Variants in HIVEP3 observed in about 807,000 individuals in gnomAD.
HIVEP3 encodes the protein transcription factor HIVEP3.
A neutral mutation model predicts 152.8 loss-of-function variants in HIVEP3; 49 were observed. The observed-to-expected ratio is 0.32, with a 90% CI of 0.26 to 0.41. The LOEUF is 0.41. Ranked by LOEUF, HIVEP3 falls within the 10% of genes least tolerant of loss-of-function variation. The pLI, the probability that HIVEP3 is intolerant of heterozygous loss-of-function variation, is 1.00. For synonymous variants in HIVEP3, 1,269 were observed against 1,289.0 expected (o/e 0.98, Z 0.33); for missense variants, 2,790 against 3,103.3 (o/e 0.90, Z 2.40).
intron 1 of HIVEP3, among the ~76,000 whole-genome samples, chr1:41,820,460 T>C (rs779115912): frequency 6.6e-6 from 1 of 152,198 alleles, no homozygotes; most frequent in Non-Finnish European, 1.5e-5. Flanking sequence ...ACTTTACTAA[T>C]AGCATCTCTT....
chr1:41,676,896 C>T (rs1200239383), intron 2 of HIVEP3, among the ~76,000 whole-genome samples: 1 of 152,188 alleles, frequency 6.6e-6, no homozygotes, highest in Non-Finnish European at 1.5e-5. Context: ...GGAAAGTCCA[C>T]TTTTCATTCT....
chr1:41,888,722 C>T (rs1464196825), intron 1 of HIVEP3, among the ~76,000 whole-genome samples: 1 of 125,758 alleles, frequency 8.0e-6, no homozygotes, highest in Non-Finnish European at 1.6e-5. Flanking sequence ...CCCCCACACA[C>T]ATACCACACA....
chr1:41,547,508 G>C (rs908035698), intron 5 of HIVEP3, among the ~76,000 whole-genome samples: 1 of 152,096 alleles, frequency 6.6e-6, no homozygotes, highest in Non-Finnish European at 1.5e-5. Context: ...CACAGAGGCA[G>C]GGATGCTTGG....
intron 3 of HIVEP3, among the ~76,000 whole-genome samples, chr1:41,594,327 A>G (rs952926089): frequency 1.4e-4 from 22 of 152,170 alleles, no homozygotes; most frequent in African/African-American, 5.3e-4. Flanking sequence ...GGTTCATGCA[A>G]TTCTCCTGCC....
In HIVEP3 at chr1:41,591,665, A is replaced by G. The variant is rs576940607; in HGVS notation, c.-521-6347T>C. Among the ~76,000 whole-genome samples, 13 of 151,988 alleles carry G rather than the reference A, an allele frequency of 8.6e-5. No individual in the cohort carries two copies. In the South Asian group the frequency reaches 2.7e-3, roughly 32 times the overall value. ...TGAGATTGAGACTTTGCAGCCTCCA[A>G]TGTACTTCTTGGTCACTGGATTTTC... On this transcript the variant is annotated intron_variant, in intron 3 of 8. Coordinates refer to ENST00000372583, the MANE Select transcript of HIVEP3 (RefSeq NM_024503.5).
intron 3 of HIVEP3, among the ~76,000 whole-genome samples, chr1:41,624,139 C>T (rs973654324): frequency 1.3e-5 from 2 of 152,158 alleles, no homozygotes; most frequent in Non-Finnish European, 2.9e-5. Flanking sequence ...TCCACAGCAT[C>T]ACCTCAACTT....
chr1:41,893,948 T>C (rs1374868222), intron 1 of HIVEP3, among the ~76,000 whole-genome samples: 1 of 150,210 alleles, frequency 6.7e-6, no homozygotes, highest in Non-Finnish European at 1.5e-5. Context: ...TGAGACGAAG[T>C]CTCACTCTGT....
intron 1 of HIVEP3, among the ~76,000 whole-genome samples, chr1:41,889,781 G>C (rs1644418560): frequency 6.6e-6 from 1 of 152,154 alleles, no homozygotes; most frequent in African/African-American, 2.4e-5. Context: ...GATTACCACG[G>C]TGACACTCCC....
At chr1:41,716,198 C>T (rs1646590983) in intron 1 of HIVEP3, among the ~76,000 whole-genome samples, 1 of 152,158 alleles carries the variant, frequency 6.6e-6, no homozygotes, top group Admixed American at 6.5e-5. Flanking sequence ...ATGATCAGAG[C>T]TGGGTGAGGC....
rs1464335536 is a variant in HIVEP3 at position 41,743,227 on chromosome 1, C to T, written c.-800-42232G>A. ...ACAGCCTGCACAACAAAAAACTTTC[C>T]CCTCAAAATACTAACTGCACCCCTA... On this transcript the variant is annotated intron_variant, in intron 1 of 8. Transcript: ENST00000372583. Among the ~76,000 whole-genome samples the T allele has an allele frequency of 2.0e-5, 3 of 152,162 alleles. No homozygotes were observed. The East Asian group carries it at 5.8e-4, about 29-fold the overall frequency.
chr1:41,963,548 A>T (rs1232656812), intron 1 of HIVEP3, among the ~76,000 whole-genome samples: 8 of 151,896 alleles, frequency 5.3e-5, no homozygotes, highest in Admixed American at 2.6e-4. Flanking sequence ...GGGGGGAGGG[A>T]AAGCATTAGG....
chr1:41,628,150 G>A (rs6664724), intron 3 of HIVEP3, among the ~76,000 whole-genome samples: 89,098 of 152,038 alleles, frequency 0.59, 27,518 homozygotes, highest in African/African-American at 0.79. Context: ...TCACTATTTC[G>A]GGAGCTGGGG....
In HIVEP3 at chr1:41,996,108, TG is replaced by T. The variant is rs200475642; in HGVS notation, n.119+39698del. On this transcript the variant is annotated intron_variant and non_coding_transcript_variant, in intron 1 of 3. Transcript: ENST00000489103. Reference sequence around the variant, plus strand: ...TCTCAGCTTGGAAGATTCAAAGAGCTGGGGTCCAGAGGCAGTGGCTCACACC... The same window carrying T: ...TCTCAGCTTGGAAGATTCAAAGAGCTGGGTCCAGAGGCAGTGGCTCACACC... Among the ~76,000 whole-genome samples the T allele has an allele frequency of 9.8e-3, 1,484 of 152,094 alleles. 26 individuals carry two copies. The highest frequency in any genetic ancestry group is 0.034 in the African/African-American group (1,422 of 41,474).
At chr1:41,812,293 C>T (rs535837021) in intron 1 of HIVEP3, among the ~76,000 whole-genome samples, 2 of 152,178 alleles carry the variant, frequency 1.3e-5, no homozygotes, top group South Asian at 2.1e-4. Context: ...TGCCATGGGC[C>T]GGGTGCAGTG....
chr1:42,024,153 A>C (rs1348090931), intron 1 of HIVEP3, among the ~76,000 whole-genome samples: 1 of 152,150 alleles, frequency 6.6e-6, no homozygotes, highest in African/African-American at 2.4e-5. Context: ...ATTTGAAATA[A>C]CTATGATCAT....
intron 1 of HIVEP3, among the ~76,000 whole-genome samples, chr1:41,714,658 A>G (rs1431756799): frequency 6.6e-6 from 1 of 152,188 alleles, no homozygotes. Context: ...TCTGGGGCTG[A>G]CATGGGGAGA....
intron 5 of HIVEP3, among the ~76,000 whole-genome samples, chr1:41,529,448 A>C (rs1366859937): frequency 4.1e-4 from 31 of 75,388 alleles, no homozygotes; most frequent in African/African-American, 9.8e-4. Flanking sequence ...CTCACACCCC[A>C]CACCCTCACA....
At chr1:41,988,604 ACACTACTGATGG>A (rs1645337927) in intron 1 of HIVEP3, among the ~76,000 whole-genome samples, 1 of 152,210 alleles carries the variant, frequency 6.6e-6, no homozygotes, top group African/African-American at 2.4e-5. Flanking sequence ...GAGTCTTTCT[ACACTACTGATGG>A]GAATGTAAGA....
At chr1:41,916,136 G>A (rs1376250737) in intron 1 of HIVEP3, among the ~76,000 whole-genome samples, 1 of 152,148 alleles carries the variant, frequency 6.6e-6, no homozygotes, top group Non-Finnish European at 1.5e-5. Context: ...TCTTCTTCTT[G>A]CCTGTACCTT....
Sources: allele counts gnomAD v4.1 joint callset (sites outside exome capture counted in the v4.1 genomes callset), GRCh38; gene constraint gnomAD v4.1.1; transcripts MANE v1.5; gene names NCBI Gene and HGNC (gene_info 2026-07-23, HGNC 2026-07-21).